The following NME7 variants were observed in gnomAD, a reference collection of about 807,000 sequenced individuals.
NME7 encodes NME/NM23 family member 7.
In NME7, 41 loss-of-function variants were observed where a neutral mutation model predicts 49.1. That is an observed-to-expected ratio of 0.83 (90% CI 0.65 to 1.08). The LOEUF is 1.08. Among genes scored for constraint, NME7 ranks in the 50% least tolerant of loss-of-function variants. The pLI, the probability that NME7 is intolerant of heterozygous loss-of-function variation, is 0.00. For synonymous variants in NME7, 139 were observed against 150.6 expected (o/e 0.92, Z 0.56); for missense variants, 423 against 463.4 (o/e 0.91, Z 0.80).
chr1:169,331,760 AT>A (rs1652264542), intron 1 of NME7, among the ~76,000 whole-genome samples: 1 of 151,948 alleles, frequency 6.6e-6, no homozygotes, highest in South Asian at 2.1e-4. Flanking sequence ...AACAAAAGAA[AT>A]GAAGATCTCT....
intron 3 of NME7, among the ~76,000 whole-genome samples, chr1:169,315,936 G>A (rs1651607917): frequency 6.6e-6 from 1 of 151,948 alleles, no homozygotes; most frequent in African/African-American, 2.4e-5. Flanking sequence ...ACTACTAATA[G>A]CAGAAAAGGG....
chr1:169,328,675 A>T (rs1280965821), intron 1 of NME7, among the ~76,000 whole-genome samples: 2 of 152,222 alleles, frequency 1.3e-5, no homozygotes, highest in East Asian at 3.8e-4. Flanking sequence ...TTTGTAAAGG[A>T]TATATCATAT....
intron 7 of NME7, among the ~76,000 whole-genome samples, chr1:169,243,267 G>T (rs1444635989): frequency 6.6e-6 from 1 of 152,044 alleles, no homozygotes; most frequent in East Asian, 1.9e-4. Context: ...TTACAAAAGT[G>T]CAAAAGCAAT....
chr1:169,188,644 G>A (rs892754533), intron 10 of NME7, among the ~76,000 whole-genome samples: 7 of 152,062 alleles, frequency 4.6e-5, no homozygotes, highest in Non-Finnish European at 7.4e-5. Flanking sequence ...ATTGTCATTC[G>A]GTATTAATCA....
At chr1:169,231,755 G>A (rs972027838) in intron 9 of NME7, among the ~76,000 whole-genome samples, 4 of 152,082 alleles carry the variant, frequency 2.6e-5, no homozygotes, top group Admixed American at 2.6e-4. Flanking sequence ...GAAGGGTACT[G>A]CACCATAGCA....
Position 169,147,518 on chromosome 1 carries a change from C to T in NME7, c.1099-14701G>A, listed in dbSNP as rs139576306. On this transcript the variant is annotated intron_variant, in intron 11 of 11. Coordinates refer to ENST00000367811, the MANE Select transcript of NME7 (RefSeq NM_013330.5). The stretch of plus-strand genomic sequence containing the variant: ...TCAGTTACTCATCTGTAAATGAAGT[C>T]GTCAATTAATGCATATAAAACACTT... Among the ~76,000 whole-genome samples the T allele has an allele frequency of 1.5e-4, 23 of 152,250 alleles. No individual in the cohort carries two copies. In the East Asian group the frequency reaches 2.5e-3, roughly 17 times the overall value.
intron 3 of NME7, among the ~76,000 whole-genome samples, chr1:169,322,674 A>G (rs930902205): frequency 1.4e-5 from 2 of 144,544 alleles, no homozygotes; most frequent in African/African-American, 5.3e-5. Flanking sequence ...TCTATTAGAT[A>G]TAAATATATA....
At position 169,323,224 on chromosome 1, in the gene NME7, C is replaced by T; in HGVS notation, c.171G>A (p.Leu57=). Residue 57 remains leucine (L), a synonymous_variant, in exon 3 of 12, where the codon TTG becomes TTA. Transcript: ENST00000367811. ...CTTTGTTGCCTATAAATAAATCTTC[C>T]AAGTGCAGGTTATCATATTTGGTCC... ...LKRTKYDNLH[L]EDLFIGNKVN... 1 of 1,607,650 alleles carries T rather than the reference C, an allele frequency of 6.2e-7. No individual in the cohort carries two copies.
intron 10 of NME7, among the ~76,000 whole-genome samples, chr1:169,223,167 A>G (rs994860879): frequency 1.3e-5 from 2 of 152,190 alleles, no homozygotes; most frequent in African/African-American, 4.8e-5. Flanking sequence ...TGTATAATTG[A>G]ATTCAGTTAT....
intron 10 of NME7, among the ~76,000 whole-genome samples, chr1:169,228,501 C>A (rs915926861): frequency 6.6e-6 from 1 of 151,240 alleles, no homozygotes; most frequent in African/African-American, 2.4e-5. Flanking sequence ...CAAGGTGAAA[C>A]CCCGTCTCTA....
chr1:169,335,773 T>C (rs543270632), intron 1 of NME7, among the ~76,000 whole-genome samples: 172 of 147,422 alleles, frequency 1.2e-3, no homozygotes, highest in African/African-American at 4.0e-3. Flanking sequence ...TATATTTATA[T>C]ATATGTTTCA....
chr1:169,236,422 C>T (rs1297617122), intron 8 of NME7, among the ~76,000 whole-genome samples: 2 of 152,124 alleles, frequency 1.3e-5, no homozygotes, highest in Admixed American at 6.6e-5. Context: ...CCATGCCTTA[C>T]CTATAGGCTC....
At position 169,257,383 on chromosome 1, in the gene NME7, T is replaced by C. The variant is rs1231788783; in HGVS notation, c.755-19696A>G. Among the ~76,000 whole-genome samples, 10 of 134,926 alleles carry C rather than the reference T, an allele frequency of 7.4e-5. 4 individuals are homozygous for C. 88.5% of individuals were successfully genotyped at this position (134,926 alleles called of 152,430 possible). On this transcript the variant is annotated intron_variant, in intron 7 of 11. Transcript: ENST00000367811. Reference sequence around the variant, plus strand: ...TCAGAAAGGGAACTCCCTGACCCCTTGCGCTTCCCAAGTGAGGCAATGCCT... The same window carrying C: ...TCAGAAAGGGAACTCCCTGACCCCTCGCGCTTCCCAAGTGAGGCAATGCCT...
At chr1:169,197,960 A>T (rs1481321243) in intron 10 of NME7, among the ~76,000 whole-genome samples, 1 of 152,136 alleles carries the variant, frequency 6.6e-6, no homozygotes, top group South Asian at 2.1e-4. Flanking sequence ...TTTGCAAATT[A>T]TATCTCTGAT....
chr1:169,157,704 G>A (rs1020243088), intron 11 of NME7, among the ~76,000 whole-genome samples: 1 of 152,120 alleles, frequency 6.6e-6, no homozygotes, highest in African/African-American at 2.4e-5. Context: ...ATCTAGAGAG[G>A]CTATTGATCC....
chr1:169,154,870 T>C (rs1257783568), intron 11 of NME7, among the ~76,000 whole-genome samples: 1 of 152,140 alleles, frequency 6.6e-6, no homozygotes, highest in African/African-American at 2.4e-5. Flanking sequence ...TTAAAAATAT[T>C]TGTGCCCATG....
intron 6 of NME7, among the ~76,000 whole-genome samples, chr1:169,297,221 G>A (rs887345722): frequency 2.0e-5 from 3 of 151,970 alleles, no homozygotes; most frequent in Admixed American, 6.6e-5. Context: ...TGATCTGCCC[G>A]CCTTGGCCTC....
intron 10 of NME7, among the ~76,000 whole-genome samples, chr1:169,176,039 T>C (rs1456348397): frequency 1.3e-4 from 20 of 152,180 alleles, no homozygotes; most frequent in Admixed American, 1.3e-3. Context: ...TCTTGACTCC[T>C]CCGGCACTTC....
At chr1:169,183,431 C>A (rs1033031018) in intron 10 of NME7, among the ~76,000 whole-genome samples, 1 of 152,172 alleles carries the variant, frequency 6.6e-6, no homozygotes. Context: ...AGGCAAGACT[C>A]CCATTTATAA....
Sources: gnomAD v4.1 joint callset for allele counts (sites outside exome capture counted in the v4.1 genomes callset) on GRCh38, gnomAD v4.1.1 for gene constraint, MANE v1.5 for transcripts, NCBI Gene and HGNC (gene_info 2026-07-23, HGNC 2026-07-21) for gene names.